Variants in RBMS3 observed in about 807,000 individuals in gnomAD.
The protein encoded by RBMS3 is RNA binding motif single stranded interacting protein 3, also known as RNA-binding motif, single-stranded-interacting protein 3.
Under a neutral mutation model 66.8 loss-of-function variants are expected in RBMS3, and 27 were observed. The ratio of observed to expected loss-of-function variants is 0.40; its 90% CI spans 0.30 to 0.56. RBMS3 has a LOEUF of 0.56. Among genes scored for constraint, RBMS3 ranks in the 20% least tolerant of loss-of-function variants. The pLI is 0.40. For synonymous variants in RBMS3, 188 were observed against 183.0 expected (o/e 1.03, Z -0.22); for missense variants, 513 against 549.5 (o/e 0.93, Z 0.66).
At chr3:29,597,919 T>A (rs2048011673) in intron 4 of RBMS3, among the ~76,000 whole-genome samples, 1 of 152,098 alleles carries the variant, frequency 6.6e-6, no homozygotes, top group Non-Finnish European at 1.5e-5. Flanking sequence ...TTCCCTGGTG[T>A]TCATATTTAA....
chr3:29,766,196 C>T (rs943056475), intron 6 of RBMS3: 1 of 151,858 alleles, frequency 6.6e-6, no homozygotes. Flanking sequence ...TGTTATTGGG[C>T]AAATATAATG....
chr3:29,489,806 A>G (rs952470804), intron 3 of RBMS3, among the ~76,000 whole-genome samples: 104 of 150,354 alleles, frequency 6.9e-4, no homozygotes, highest in African/African-American at 2.5e-3. Context: ...GCACTTTGGG[A>G]GGCTGAGGAG....
At chr3:29,689,244 C>G (rs1007354451) in intron 4 of RBMS3, among the ~76,000 whole-genome samples, 23 of 152,106 alleles carry the variant, frequency 1.5e-4, no homozygotes, top group African/African-American at 5.5e-4. Context: ...TGGATATTAT[C>G]CTTGCCTTAA....
At chr3:29,526,499 C>G (rs991051980) in intron 3 of RBMS3, among the ~76,000 whole-genome samples, 2 of 116,978 alleles carry the variant, frequency 1.7e-5, no homozygotes, top group Non-Finnish European at 3.3e-5. Context: ...CCAGCCTGGA[C>G]GACAGAGCGA....
At chr3:29,387,226 T>G (rs535068715) in intron 1 of RBMS3, among the ~76,000 whole-genome samples, 1 of 152,290 alleles carries the variant, frequency 6.6e-6, no homozygotes, top group East Asian at 1.9e-4. Context: ...AACTCCAGGT[T>G]ATAAAAAACT....
intron 3 of RBMS3, among the ~76,000 whole-genome samples, chr3:29,544,607 G>T (rs1012557800): frequency 6.6e-6 from 1 of 151,944 alleles, no homozygotes; most frequent in Non-Finnish European, 1.5e-5. Context: ...AAGTCTTCAT[G>T]ACTTTATATA....
Position 29,761,546 on chromosome 3 carries a change from G to A in RBMS3, c.558-1364G>A, listed in dbSNP as rs376169091. ...TCGCCAAAAGCCTCTCCTAGATTCC[G>A]TGCCTCTTCTCAGCATTTCTCTCAC... On this transcript the variant is annotated intron_variant, in intron 5 of 14. Coordinates refer to ENST00000383767, the MANE Select transcript of RBMS3 (RefSeq NM_001003793.3). Among the ~76,000 whole-genome samples, 19 of 152,156 alleles carry A rather than the reference G, an allele frequency of 1.2e-4. No individual in the cohort carries two copies. In the East Asian group the frequency reaches 2.3e-3, roughly 19 times the overall value.
At chr3:29,507,346 A>T (rs970836396) in intron 3 of RBMS3, among the ~76,000 whole-genome samples, 2 of 152,076 alleles carry the variant, frequency 1.3e-5, no homozygotes, top group Non-Finnish European at 2.9e-5. Context: ...TTTGCTTTGT[A>T]TTCCTGAAAA....
chr3:29,598,562 G>A (rs1000643324), intron 4 of RBMS3, among the ~76,000 whole-genome samples: 1 of 151,932 alleles, frequency 6.6e-6, no homozygotes, highest in African/African-American at 2.4e-5. Flanking sequence ...TTAACTTCTA[G>A]AAGATAAGAT....
chr3:29,935,557 A>G (rs978592208), intron 10 of RBMS3, among the ~76,000 whole-genome samples: 7 of 152,120 alleles, frequency 4.6e-5, no homozygotes, highest in African/African-American at 9.7e-5. Context: ...TAGATTATCA[A>G]TGATAGATTT....
At chr3:29,675,287 A>T (rs886626604) in intron 4 of RBMS3, among the ~76,000 whole-genome samples, 7 of 152,246 alleles carry the variant, frequency 4.6e-5, no homozygotes, top group Non-Finnish European at 1.0e-4. Context: ...CAGATGGATT[A>T]AAGACTTAAA....
intron 8 of RBMS3, among the ~76,000 whole-genome samples, chr3:29,886,680 C>T (rs1352740557): frequency 1.3e-5 from 2 of 151,420 alleles, no homozygotes; most frequent in Admixed American, 6.6e-5. Context: ...TTGGTTTTTA[C>T]TTCATAAGCC....
At chr3:29,317,141 A>G (rs925395317) in intron 1 of RBMS3, among the ~76,000 whole-genome samples, 3 of 151,778 alleles carry the variant, frequency 2.0e-5, no homozygotes, top group Non-Finnish European at 4.4e-5. Context: ...TGATAGATCT[A>G]AAAGGAAGCC....
At chr3:29,572,173 G>C (rs1440173097) in intron 3 of RBMS3, among the ~76,000 whole-genome samples, 1 of 151,972 alleles carries the variant, frequency 6.6e-6, no homozygotes, top group Non-Finnish European at 1.5e-5. Context: ...AGTATTTTTG[G>C]TAGAGTCTTT....
chr3:29,733,011 A>G (rs573149180), intron 4 of RBMS3, among the ~76,000 whole-genome samples: 1 of 152,246 alleles, frequency 6.6e-6, no homozygotes, highest in South Asian at 2.1e-4. Context: ...CTCTTTCCCT[A>G]TCTACCTTAT....
chr3:29,892,397 C>T (rs2060020643), intron 8 of RBMS3, among the ~76,000 whole-genome samples: 1 of 151,498 alleles, frequency 6.6e-6, no homozygotes, highest in South Asian at 2.1e-4. Flanking sequence ...TGTATAGGAG[C>T]TGTTCTATGC....
chr3:29,796,636 C>T (rs918017133), intron 6 of RBMS3, among the ~76,000 whole-genome samples: 6 of 151,380 alleles, frequency 4.0e-5, no homozygotes, highest in African/African-American at 1.5e-4. Context: ...CAACATTAAT[C>T]TTCTTGTACA....
At position 29,739,843 on chromosome 3, in the gene RBMS3, G is replaced by T; in HGVS notation, c.523G>T (p.Ala175Ser). 2 of 1,609,846 alleles carry T rather than the reference G, an allele frequency of 1.2e-6. No homozygotes were observed. The highest frequency in any genetic ancestry group is 1.1e-5 in the South Asian group (1 of 90,158). ...HVISTRILRDANGVSRGVGFA... is the reference protein window; with the variant it reads ...HVISTRILRDSNGVSRGVGFA... ...CATTTCCACAAGAATACTAAGAGACGCTAATGGAGTCAGCAGAGGTGTTGG... is the reference window on the plus strand; with the variant it reads ...CATTTCCACAAGAATACTAAGAGACTCTAATGGAGTCAGCAGAGGTGTTGG... Residue 175 changes from alanine to serine, a missense_variant, in exon 5 of 15, where the codon GCT becomes TCT. Transcript: ENST00000383767.
chr3:29,400,612 A>G (rs924896092), intron 1 of RBMS3, among the ~76,000 whole-genome samples: 2 of 151,978 alleles, frequency 1.3e-5, no homozygotes, highest in African/African-American at 4.8e-5. Flanking sequence ...AAAGACAAGC[A>G]GAACAAAAGC....
Sources: gnomAD v4.1 joint callset for allele counts (sites outside exome capture counted in the v4.1 genomes callset) on GRCh38, gnomAD v4.1.1 for gene constraint, MANE v1.5 for transcripts, NCBI Gene and HGNC (gene_info 2026-07-23, HGNC 2026-07-21) for gene names.